Variants in AGBL4 observed in about 807,000 individuals in gnomAD.
AGBL4 encodes the protein AGBL carboxypeptidase 4, also known as cytosolic carboxypeptidase 6.
In AGBL4, 58 loss-of-function variants were observed where a neutral mutation model predicts 66.4. The observed-to-expected ratio is 0.87, with a 90% CI of 0.71 to 1.09. AGBL4 has a LOEUF of 1.09. Among genes scored for constraint, AGBL4 ranks in the 50% least tolerant of loss-of-function variants. The pLI is 0.00. For missense variants in AGBL4, 579 were observed against 631.0 expected, an observed-to-expected ratio of 0.92 and a Z score of 0.88; for synonymous variants, 234 against 222.9, an observed-to-expected ratio of 1.05 and a Z score of -0.44.
intron 5 of AGBL4, among the ~76,000 whole-genome samples, chr1:48,925,788 A>C (rs1654504259): frequency 6.6e-6 from 1 of 152,198 alleles, no homozygotes; most frequent in Non-Finnish European, 1.5e-5. Context: ...AGATTAATAT[A>C]TGCATATGTA....
intron 6 of AGBL4, among the ~76,000 whole-genome samples, chr1:48,743,220 T>A (rs1442223979): frequency 6.6e-6 from 1 of 152,168 alleles, no homozygotes; most frequent in Non-Finnish European, 1.5e-5. Flanking sequence ...GGCAAAAATG[T>A]TAAGGCCTCC....
At chr1:49,977,744 A>C (rs547650560) in intron 1 of AGBL4, among the ~76,000 whole-genome samples, 1 of 152,208 alleles carries the variant, frequency 6.6e-6, no homozygotes, top group Non-Finnish European at 1.5e-5. Flanking sequence ...ACACACACAC[A>C]CAAAAAACTT....
chr1:49,170,494 T>A (rs957661398), intron 4 of AGBL4, among the ~76,000 whole-genome samples: 1 of 144,036 alleles, frequency 6.9e-6, no homozygotes, highest in Admixed American at 7.1e-5. Flanking sequence ...ATATTTATAT[T>A]CATATATATT....
intron 3 of AGBL4, among the ~76,000 whole-genome samples, chr1:49,350,089 A>G (rs192738746): frequency 1.7e-4 from 26 of 152,056 alleles, no homozygotes; most frequent in African/African-American, 5.3e-4. Context: ...GACAGGAAAC[A>G]TATTTGTTTT....
At chr1:48,549,448 A>G (rs1049139932) in intron 11 of AGBL4, among the ~76,000 whole-genome samples, 2 of 152,028 alleles carry the variant, frequency 1.3e-5, no homozygotes, top group African/African-American at 4.8e-5. Flanking sequence ...AAGACCTGTG[A>G]AAGAGAGGAG....
intron 2 of AGBL4, among the ~76,000 whole-genome samples, chr1:49,779,898 T>G (rs1257672658): frequency 6.6e-6 from 1 of 151,054 alleles, no homozygotes; most frequent in African/African-American, 2.4e-5. Flanking sequence ...AGGCAAAACG[T>G]TGAAAGAAAA....
intron 5 of AGBL4, among the ~76,000 whole-genome samples, chr1:48,875,908 T>C (rs1649174103): frequency 6.6e-6 from 1 of 152,130 alleles, no homozygotes; most frequent in African/African-American, 2.4e-5. Flanking sequence ...CTCTGAAGCC[T>C]ACGCTCCATT....
At chr1:49,462,921 C>A (rs1187162333) in intron 3 of AGBL4, among the ~76,000 whole-genome samples, 3 of 151,622 alleles carry the variant, frequency 2.0e-5, no homozygotes, top group African/African-American at 7.3e-5. Flanking sequence ...TCTGAGATAT[C>A]TAGGTAAAAT....
intron 3 of AGBL4, among the ~76,000 whole-genome samples, chr1:49,260,387 T>G (rs1166792642): frequency 1.3e-5 from 2 of 150,706 alleles, no homozygotes; most frequent in Non-Finnish European, 3.0e-5. Context: ...TTTGAAAGGA[T>G]CAACAAAATT....
intron 3 of AGBL4, among the ~76,000 whole-genome samples, chr1:49,468,768 T>G (rs887399374): frequency 6.6e-6 from 1 of 151,876 alleles, no homozygotes; most frequent in Non-Finnish European, 1.5e-5. Flanking sequence ...TTATGCATTT[T>G]TTGCAAATTT....
At chr1:49,499,601 G>T (rs926857038) in intron 3 of AGBL4, among the ~76,000 whole-genome samples, 11 of 151,556 alleles carry the variant, frequency 7.3e-5, no homozygotes, top group Non-Finnish European at 1.5e-4. Context: ...TTATAAGTGA[G>T]AACATATGAT....
At chr1:48,822,786 T>C (rs552019687) in intron 6 of AGBL4, among the ~76,000 whole-genome samples, 1 of 152,240 alleles carries the variant, frequency 6.6e-6, no homozygotes, top group Non-Finnish European at 1.5e-5. Flanking sequence ...CAGTTCTTTA[T>C]AGCATACACA....
At chr1:48,606,796 A>G (rs1372741999) in intron 9 of AGBL4, among the ~76,000 whole-genome samples, 1 of 151,976 alleles carries the variant, frequency 6.6e-6, no homozygotes, top group Non-Finnish European at 1.5e-5. Context: ...ACCTAAATCC[A>G]TTTTCCATCC....
chr1:49,605,664 T>G (rs1645050721), intron 3 of AGBL4, among the ~76,000 whole-genome samples: 1 of 152,186 alleles, frequency 6.6e-6, no homozygotes, highest in Non-Finnish European at 1.5e-5. Context: ...AGAATGAGTT[T>G]TCACAGGATG....
intron 3 of AGBL4, among the ~76,000 whole-genome samples, chr1:49,537,791 G>A (rs577149470): frequency 6.6e-6 from 1 of 152,294 alleles, no homozygotes; most frequent in South Asian, 2.1e-4. Context: ...GCCAGGCATG[G>A]TGGTGGGTGC....
chr1:49,925,356 A>G (rs1652658535), intron 1 of AGBL4, among the ~76,000 whole-genome samples: 1 of 152,158 alleles, frequency 6.6e-6, no homozygotes, highest in Admixed American at 6.5e-5. Flanking sequence ...TGCTGACTGA[A>G]GAGCCGTTGA....
At chr1:49,827,880 A>C (rs1645552160) in intron 2 of AGBL4, among the ~76,000 whole-genome samples, 1 of 152,224 alleles carries the variant, frequency 6.6e-6, no homozygotes. Flanking sequence ...GCGTTTTACC[A>C]GGGCTTAATT....
At chr1:49,176,211 C>A (rs1646828896) in intron 4 of AGBL4, among the ~76,000 whole-genome samples, 1 of 152,066 alleles carries the variant, frequency 6.6e-6, no homozygotes, top group South Asian at 2.1e-4. Flanking sequence ...AAACTATGTA[C>A]CATGTTGGCC....
intron 3 of AGBL4, among the ~76,000 whole-genome samples, chr1:49,511,459 G>C (rs1649241691): frequency 2.8e-5 from 3 of 107,056 alleles, no homozygotes; most frequent in South Asian, 3.9e-4. Context: ...CTGTTGTGGG[G>C]TGGGGGGAGG....
Sources: allele counts gnomAD v4.1 joint callset (sites outside exome capture counted in the v4.1 genomes callset), GRCh38; gene constraint gnomAD v4.1.1; transcripts MANE v1.5; gene names NCBI Gene and HGNC (gene_info 2026-07-23, HGNC 2026-07-21).